The following GRM7 variants were observed in gnomAD, a reference collection of about 807,000 sequenced individuals.
The protein encoded by GRM7 is metabotropic glutamate receptor 7.
In GRM7, 35 loss-of-function variants were observed where a neutral mutation model predicts 84.5. The observed-to-expected ratio is 0.41, with a 90% CI of 0.32 to 0.55. GRM7 has a LOEUF of 0.55. GRM7 is among the 20% of genes least tolerant of loss of function. The pLI, the probability that GRM7 is intolerant of heterozygous loss-of-function variation, is 0.19. For synonymous variants in GRM7, 487 were observed against 455.1 expected, an observed-to-expected ratio of 1.07 and a Z score of -0.89; for missense variants, 1,003 against 1,194.6, an observed-to-expected ratio of 0.84 and a Z score of 2.36.
chr3:7,478,769 AT>A (rs961782895), intron 7 of GRM7, among the ~76,000 whole-genome samples: 10 of 152,294 alleles, frequency 6.6e-5, no homozygotes, highest in Non-Finnish European at 1.3e-4. Flanking sequence ...CTCAAAGGTC[AT>A]TCTTGTGTAC....
intron 4 of GRM7, among the ~76,000 whole-genome samples, chr3:7,308,637 A>C (rs1280958059): frequency 1.3e-5 from 2 of 152,168 alleles, no homozygotes; most frequent in Non-Finnish European, 2.9e-5. Context: ...GAGCATCCGC[A>C]TGTGTGAGAT....
intron 7 of GRM7, among the ~76,000 whole-genome samples, chr3:7,562,319 A>C (rs558649940): frequency 2.6e-5 from 4 of 152,114 alleles, no homozygotes; most frequent in Admixed American, 2.6e-4. Flanking sequence ...CTAAAACCCA[A>C]GTGAAGTAAT....
intron 7 of GRM7, among the ~76,000 whole-genome samples, chr3:7,498,829 C>T (rs765894099): frequency 2.0e-5 from 3 of 152,100 alleles, no homozygotes; most frequent in Non-Finnish European, 2.9e-5. Flanking sequence ...TTCTGATTAA[C>T]TTAAAGCGGA....
chr3:7,101,481 T>C (rs1044428896), intron 1 of GRM7, among the ~76,000 whole-genome samples: 3 of 151,694 alleles, frequency 2.0e-5, no homozygotes, highest in African/African-American at 7.2e-5. Context: ...ATATTTAAAG[T>C]GCATATCCTG....
At chr3:7,031,814 C>G (rs938245573) in intron 1 of GRM7, among the ~76,000 whole-genome samples, 16 of 151,926 alleles carry the variant, frequency 1.1e-4, no homozygotes, top group Non-Finnish European at 2.2e-4. Context: ...CTTTTATCCC[C>G]ACTGTGTAGC....
At chr3:6,968,446 T>C (rs1258975176) in intron 1 of GRM7, among the ~76,000 whole-genome samples, 1 of 152,230 alleles carries the variant, frequency 6.6e-6, no homozygotes, top group African/African-American at 2.4e-5. Context: ...TGGAGGGACA[T>C]AATTCAACAC....
intron 2 of GRM7, among the ~76,000 whole-genome samples, chr3:7,199,776 T>C (rs7648650): frequency 6.6e-6 from 1 of 152,286 alleles, no homozygotes; most frequent in South Asian, 2.1e-4. Flanking sequence ...ACTTAGGTGG[T>C]ACCCAATAAT....
chr3:7,669,564 C>A (rs896613168), intron 8 of GRM7, among the ~76,000 whole-genome samples: 20 of 152,114 alleles, frequency 1.3e-4, no homozygotes, highest in African/African-American at 4.1e-4. Context: ...AAGAATGAGA[C>A]CTAGAAGAAT....
chr3:7,529,618 G>A (rs1382785939), intron 7 of GRM7, among the ~76,000 whole-genome samples: 1 of 152,008 alleles, frequency 6.6e-6, no homozygotes, highest in South Asian at 2.1e-4. Flanking sequence ...TCATAACTTG[G>A]TTCCTAGCCC....
intron 2 of GRM7, among the ~76,000 whole-genome samples, chr3:7,224,407 C>T (rs1401505313): frequency 2.6e-5 from 4 of 152,170 alleles, no homozygotes; most frequent in Non-Finnish European, 5.9e-5. Flanking sequence ...GATTCAATCA[C>T]CTCCCACAGG....
intron 1 of GRM7, among the ~76,000 whole-genome samples, chr3:6,943,690 C>A (rs1003833335): frequency 1.3e-5 from 2 of 151,912 alleles, no homozygotes; most frequent in African/African-American, 4.8e-5. Context: ...TGTCCACATT[C>A]GTTTTAGACT....
At chr3:6,966,948 T>C (rs988129540) in intron 1 of GRM7, among the ~76,000 whole-genome samples, 2 of 152,150 alleles carry the variant, frequency 1.3e-5, no homozygotes, top group African/African-American at 4.8e-5. Context: ...GGGGGAATAA[T>C]AATAATATCT....
In GRM7 at chr3:7,151,477, G is replaced by C. The variant is rs1254567212; in HGVS notation, c.736+4809G>C. Among the ~76,000 whole-genome samples, 2 of 152,096 alleles carry C rather than the reference G, an allele frequency of 1.3e-5. No individual in the cohort carries two copies. Among genetic ancestry groups the C allele is most frequent in the Non-Finnish European group, 2.9e-5 (2 of 68,016 alleles). ...AGCTAGATGGATTTTCCTACTATGG[G>C]ATTTCAGAGCACTGTGTGCCTCTCT... On this transcript the variant is annotated intron_variant, in intron 2 of 9. Coordinates refer to ENST00000357716, the MANE Select transcript of GRM7 (RefSeq NM_000844.4). This position sits in a 1 kb window ranked among gnomAD's most constrained non-coding sequence, Gnocchi z 4.5.
intron 4 of GRM7, among the ~76,000 whole-genome samples, chr3:7,346,294 A>C (rs151264846): frequency 6.6e-6 from 1 of 152,244 alleles, no homozygotes; most frequent in African/African-American, 2.4e-5. Flanking sequence ...AGCATGACCT[A>C]TATCAATTTT....
chr3:6,932,721 T>C (rs1361684342), intron 1 of GRM7, among the ~76,000 whole-genome samples: 2 of 151,482 alleles, frequency 1.3e-5, no homozygotes, highest in African/African-American at 4.9e-5. Flanking sequence ...TTTTGTTTTG[T>C]TTATTTTTTT....
At chr3:7,248,619 T>G (rs1236107061) in intron 2 of GRM7, among the ~76,000 whole-genome samples, 1 of 152,124 alleles carries the variant, frequency 6.6e-6, no homozygotes, top group African/African-American at 2.4e-5. Context: ...AAAAAAAGAT[T>G]GTTGAGATTG....
At chr3:7,326,986 C>T (rs9867566) in intron 4 of GRM7, among the ~76,000 whole-genome samples, 64,633 of 151,978 alleles carry the variant, frequency 0.43, 13,816 homozygotes, top group Middle Eastern at 0.49. Context: ...TCTGTGTTCC[C>T]AGAATATAAG....
chr3:7,088,742 G>A (rs1026140190), intron 1 of GRM7, among the ~76,000 whole-genome samples: 2 of 126,204 alleles, frequency 1.6e-5, no homozygotes, highest in African/African-American at 6.7e-5. Context: ...AGGGGTAAGA[G>A]GCTTGTGTGA....
At chr3:7,036,086 A>G (rs1252751961) in intron 1 of GRM7, among the ~76,000 whole-genome samples, 3 of 152,190 alleles carry the variant, frequency 2.0e-5, no homozygotes, top group Non-Finnish European at 4.4e-5. Flanking sequence ...CTGGAGAAGG[A>G]CAAACCAGAG....
Sources: gnomAD v4.1 joint callset for allele counts (sites outside exome capture counted in the v4.1 genomes callset) on GRCh38, gnomAD v4.1.1 for gene constraint, Gnocchi (gnomAD v3.1) non-coding constraint, MANE v1.5 for transcripts, NCBI Gene and HGNC (gene_info 2026-07-23, HGNC 2026-07-21) for gene names.